The following MYBPC2 variants were observed in gnomAD, a reference collection of about 807,000 sequenced individuals.
MYBPC2 encodes the protein myosin-binding protein C, fast-type.
A neutral mutation model predicts 137.0 loss-of-function variants in MYBPC2; 122 were observed. That is an observed-to-expected ratio of 0.89 (90% CI 0.77 to 1.03). The LOEUF (loss-of-function observed/expected upper bound fraction) is 1.03, where lower values mean the gene tolerates loss of function less well. Ranked by LOEUF, MYBPC2 falls within the 50% of genes least tolerant of loss-of-function variation. MYBPC2 has a pLI of 0.00. For synonymous variants in MYBPC2, 626 were observed against 612.3 expected (o/e 1.02, Z -0.33); for missense variants, 1,500 against 1,534.4 (o/e 0.98, Z 0.37).
In MYBPC2 at chr19:50,440,875, G is replaced by A. The variant is rs556445274; in HGVS notation, c.573-5G>A. On this transcript the variant is annotated splice_region_variant and splice_polypyrimidine_tract_variant and intron_variant, in intron 7 of 27. Coordinates refer to ENST00000357701, the MANE Select transcript of MYBPC2 (RefSeq NM_004533.4). ...ATGGCCCCTGTCCGTTCCCCCACCC[G>A]CCAGGGAGGTGGTGGAGGAGGAGAA... 164 of 1,610,310 alleles carry A rather than the reference G, an allele frequency of 1.0e-4. No individual in the cohort carries two copies. Among genetic ancestry groups the A allele is most frequent in the Middle Eastern group, 3.3e-4 (2 of 6,034 alleles).
At chr19:50,459,410 A>T in intron 23 of MYBPC2, 104 bp downstream of exon 23, 58 of 464,966 alleles carry the variant, frequency 1.2e-4, no homozygotes, top group Non-Finnish European at 1.8e-4. Flanking sequence ...TGGGAGATGA[A>T]GGGTGGGAGA....
intron 4 of MYBPC2, 117 bp from the exon 5 acceptor site, chr19:50,436,500 G>C: frequency 1.1e-6 from 1 of 926,948 alleles, no homozygotes; most frequent in South Asian, 1.6e-5. Context: ...GTCTCCATTG[G>C]CCCCCCTGTG....
intron 13 of MYBPC2, 81 bp downstream of exon 13, chr19:50,448,471 T>C: frequency 6.6e-7 from 1 of 1,510,432 alleles, no homozygotes; most frequent in East Asian, 2.3e-5. Flanking sequence ...CTGTCCCCCA[T>C]TTATTTTTTT....
intron 14 of MYBPC2, 95 bp downstream of exon 14, chr19:50,451,030 G>A (rs546989032): frequency 2.4e-5 from 28 of 1,170,890 alleles, no homozygotes; most frequent in South Asian, 5.5e-5. Context: ...AAGGTTCCCC[G>A]AGTGCGAATG....
chr19:50,452,939 C>T (rs753245954), intron 16 of MYBPC2, among the ~76,000 whole-genome samples: 16 of 151,998 alleles, frequency 1.1e-4, no homozygotes, highest in Non-Finnish European at 1.9e-4. Flanking sequence ...CTCGATTTTT[C>T]ATTTCTTCTC....
intron 6 of MYBPC2, 56 bp downstream of exon 6, chr19:50,437,577 G>A (rs879125408): frequency 7.5e-6 from 12 of 1,595,896 alleles, no homozygotes; most frequent in Admixed American, 1.8e-5. Flanking sequence ...GCTCTCCCTT[G>A]GAAGGGGAAA....
chr19:50,437,641 C>A lies in MYBPC2; in HGVS notation c.513-18C>A. 7 of 1,600,188 alleles carry A rather than the reference C, an allele frequency of 4.4e-6. No homozygotes were observed. Among genetic ancestry groups the A allele is most frequent in the Non-Finnish European group, 5.1e-6 (6 of 1,173,336 alleles). On this transcript the variant is annotated intron_variant, in intron 6 of 27. Coordinates refer to ENST00000357701, the MANE Select transcript of MYBPC2 (RefSeq NM_004533.4). ...AATCTGAAGGGTCAAGACTCACATG[C>A]CCTCTCAATGGCCACAGGAGTGAAA... is the stretch of plus-strand genomic sequence containing the variant.
Position 50,455,295 on chromosome 19 carries a change from T to C in MYBPC2, c.2202T>C (p.Ile734=), listed in dbSNP as rs2039899398. 1.2e-6 allele frequency: 2 copies of C among 1,612,868 alleles called. No individual in the cohort carries two copies. The part of the protein sequence containing the change: ...PSMNTKPFMP[I]APTSEPLHLI... ...TGAACACCAAGCCTTTTATGCCTAT[T>C]GGTAATGTCCTCCCTCACTTTTATG... Residue 734 remains isoleucine (I), a splice_region_variant and synonymous_variant, in exon 19 of 28, where the codon ATT becomes ATC. Coordinates refer to ENST00000357701, the MANE Select transcript of MYBPC2 (RefSeq NM_004533.4).
chr19:50,441,168 C>G, intron 8 of MYBPC2, 92 bp downstream of exon 8: 1 of 1,344,422 alleles, frequency 7.4e-7, no homozygotes, highest in Non-Finnish European at 9.9e-7. Flanking sequence ...CCTATCTTTT[C>G]GAGGTCCCAA....
At position 50,435,727 on chromosome 19, in the gene MYBPC2, T is replaced by C; in HGVS notation, c.110-49T>C. On this transcript the variant is annotated intron_variant, in intron 2 of 27. Transcript: ENST00000357701. The surrounding 1 kb of genome is among the most constrained non-coding windows in gnomAD (Gnocchi z 4.8). ...TTCCCCAAAGCGGCCCACTGTCCCC[T>C]CCCCAGCCTATCTCAGACCTCCTCA... The C allele has an allele frequency of 6.6e-7, 1 of 1,505,200 alleles. No individual in the cohort carries two copies. 93.2% of individuals were successfully genotyped at this position (1,505,200 alleles called of 1,614,324 possible). A position where few individuals can be genotyped will look rare whatever the true frequency, so the allele number is the denominator to read the frequency against.
At chr19:50,461,305 CCTT>C (rs2122618998) in intron 24 of MYBPC2, among the ~76,000 whole-genome samples, 1 of 152,282 alleles carries the variant, frequency 6.6e-6, no homozygotes, top group East Asian at 1.9e-4. Flanking sequence ...GTGCCTGACC[CCTT>C]CTTAGCGTTG....
chr19:50,451,326 G>A lies in MYBPC2; in HGVS notation c.1609+17G>A. ...CCAAGCAAGGTGAGCACCACGGGCT[G>A]CGCTGGGAGCGGGTCTGAGGGAGGA... On this transcript the variant is annotated intron_variant, in intron 15 of 27. Transcript: ENST00000357701. 6.2e-7 allele frequency: 1 copy of A among 1,613,246 alleles called. No individual in the cohort carries two copies. The highest frequency in any genetic ancestry group is 8.5e-7 in the Non-Finnish European group (1 of 1,179,766).
chr19:50,451,022 G>A, intron 14 of MYBPC2, 87 bp downstream of exon 14: 1 of 1,269,418 alleles, frequency 7.9e-7, no homozygotes, highest in Non-Finnish European at 1.1e-6. Flanking sequence ...CCAGGATTAA[G>A]GTTCCCCGAG....
At chr19:50,436,193 G>A (rs201694618) in intron 4 of MYBPC2, 33 bp downstream of exon 4, 4 of 1,564,960 alleles carry the variant, frequency 2.6e-6, no homozygotes, top group Non-Finnish European at 3.5e-6. Context: ...GGCTGGTGGA[G>A]GGGAGTGGAG....
Position 50,460,082 on chromosome 19 carries a change from G to C in MYBPC2, c.2834G>C (p.Trp945Ser), listed in dbSNP as rs759901762. The C allele has an allele frequency of 3.2e-6, 5 of 1,566,780 alleles. No individual in the cohort carries two copies. The highest frequency in any genetic ancestry group is 4.3e-6 in the Non-Finnish European group (5 of 1,156,072). ...ATAAACGTGATGGTGAAGGAGGTGT[G>C]GGGCACGAACGCGCTGGTGGAGTGG... is the stretch of plus-strand genomic sequence containing the variant. ...PPINVMVKEVWGTNALVEWQA... is the reference protein window; with the variant it reads ...PPINVMVKEVSGTNALVEWQA... Residue 945 changes from tryptophan to serine, a missense_variant, in exon 24 of 28, where the codon TGG (tryptophan) becomes TCG (serine). Trp to Ser is a radical substitution (Grantham distance 177, BLOSUM62 -3). Coordinates refer to ENST00000357701, the MANE Select transcript of MYBPC2 (RefSeq NM_004533.4).
intron 20 of MYBPC2, among the ~76,000 whole-genome samples, chr19:50,456,346 A>C (rs1157451879): frequency 6.9e-6 from 1 of 144,478 alleles, no homozygotes; most frequent in African/African-American, 2.7e-5. Context: ...CTGTCCATCC[A>C]TCTGTCCATC....
rs11879768 is a variant in MYBPC2 at position 50,451,912 on chromosome 19, C to T, written c.1658C>T (p.Ala553Val). 881 of 1,585,290 alleles carry T rather than the reference C, an allele frequency of 5.6e-4. 7 individuals are homozygous for T. The African/African-American group carries it at 9.6e-3, about 17-fold the overall frequency. The change falls in exon 16 of 28, where the codon GCG (alanine) becomes GTG (valine). Residue 553 changes from alanine to valine, a missense_variant. Ala to Val is a moderately conservative substitution (Grantham distance 64, BLOSUM62 0). Coordinates refer to ENST00000357701, the MANE Select transcript of MYBPC2 (RefSeq NM_004533.4). The part of the protein sequence containing the change: ...LDCSGKTSEN[A>V]IVVVAGNKLR... ...TGCTCGGGGAAGACCTCAGAGAATG[C>T]GATTGTGGTTGTGGCTGGAAACAAG...
chr19:50,440,126 G>A (rs2122582335), intron 7 of MYBPC2, among the ~76,000 whole-genome samples: 1 of 152,144 alleles, frequency 6.6e-6, no homozygotes, highest in Middle Eastern at 3.4e-3. Context: ...GGGCAGTGGG[G>A]AGCCACAGAA....
chr19:50,464,332 T>C lies in MYBPC2; in HGVS notation c.3229-14T>C. 6.3e-7 allele frequency: 1 copy of C among 1,596,090 alleles called. No homozygotes were observed. Among genetic ancestry groups the C allele is most frequent in the Non-Finnish European group, 8.5e-7 (1 of 1,171,624 alleles). ...TCTCTCTAAGTTGGCCTCCTCTCCC[T>C]TGACTCTCAACAGCCGAAGGTGGTC... On this transcript the variant is annotated splice_polypyrimidine_tract_variant and intron_variant, in intron 26 of 27. Coordinates refer to ENST00000357701, the MANE Select transcript of MYBPC2 (RefSeq NM_004533.4).
Sources: allele counts gnomAD v4.1 joint callset (sites outside exome capture counted in the v4.1 genomes callset), GRCh38; gene constraint gnomAD v4.1.1; non-coding constraint Gnocchi (gnomAD v3.1); transcripts MANE v1.5; gene names NCBI Gene and HGNC (gene_info 2026-07-23, HGNC 2026-07-21).